The following AMMECR1 variants were observed in gnomAD, a reference collection of about 807,000 sequenced individuals.
The protein encoded by AMMECR1 is AMMECR nuclear protein 1.
A neutral mutation model predicts 22.5 loss-of-function variants in AMMECR1; 3 were observed. The ratio of observed to expected loss-of-function variants is 0.13; its 90% CI spans 0.06 to 0.35. The LOEUF is 0.35. Among genes scored for constraint, AMMECR1 ranks in the 10% least tolerant of loss-of-function variants. The probability of loss-of-function intolerance (pLI) is 1.00; values close to 1 mark genes in which losing one functional copy is unlikely to be tolerated. For synonymous variants in AMMECR1, 130 were observed against 116.7 expected, an observed-to-expected ratio of 1.11 and a Z score of -0.74; for missense variants, 235 against 278.7, an observed-to-expected ratio of 0.84 and a Z score of 1.12.
chrX:110,317,581 G>A lies in AMMECR1; in HGVS notation c.473+18C>T, dbSNP rs768082029. ...TCCCGAGCGCAAGGGAGAGGGCGGC[G>A]GAGGGCACGGTACTCACTAGGGCTC... On this transcript the variant is annotated intron_variant, in intron 1 of 5. Coordinates refer to ENST00000262844, the MANE Select transcript of AMMECR1 (RefSeq NM_015365.3). The A allele has an allele frequency of 1.7e-6, 2 of 1,150,178 alleles. No homozygotes were observed. Among genetic ancestry groups the A allele is most frequent in the Middle Eastern group, 2.5e-4 (1 of 4,049 alleles). 94.8% of individuals were successfully genotyped at this position (1,150,178 alleles called of 1,213,427 possible). A position where few individuals can be genotyped will look rare whatever the true frequency, so the allele number is the denominator to read the frequency against.
At chrX:110,330,515 T>A (rs2068116505) in intron 2 of AMMECR1, among the ~76,000 whole-genome samples, 1 of 112,221 alleles carries the variant, frequency 8.9e-6, no homozygotes, top group Non-Finnish European at 1.9e-5. Context: ...CCATAGCAAT[T>A]TGATAAATTA....
intron 2 of AMMECR1, among the ~76,000 whole-genome samples, chrX:110,258,798 A>G (rs1246755407): frequency 9.0e-6 from 1 of 111,604 alleles, no homozygotes; most frequent in Non-Finnish European, 1.9e-5. Context: ...AGAAAAATCA[A>G]TCTGGGTGAT....
intron 2 of AMMECR1, among the ~76,000 whole-genome samples, chrX:110,373,033 T>C (rs1212771422): frequency 2.7e-5 from 3 of 112,171 alleles, no homozygotes; most frequent in Non-Finnish European, 5.6e-5. Flanking sequence ...TGCCAAGCAT[T>C]GTTCTACATG....
intron 2 of AMMECR1, among the ~76,000 whole-genome samples, chrX:110,367,973 A>AATTATT (rs201193443): frequency 0.14 from 12,043 of 85,136 alleles, 815 homozygotes; most frequent in Middle Eastern, 0.22. Flanking sequence ...AGTGCTGGCT[A>AATTATT]ATTATTATTA....
chrX:110,344,497 A>T (rs865829225), intron 2 of AMMECR1, among the ~76,000 whole-genome samples: 56 of 111,735 alleles, frequency 5.0e-4, no homozygotes, highest in African/African-American at 1.6e-3. Context: ...GACAAATGGG[A>T]TCTAATTAAA....
rs777072844 is a variant in AMMECR1 at position 110,334,613 on chromosome X, A to G, written c.-147-16764T>C. On this transcript the variant is annotated intron_variant, in intron 2 of 7. Transcript: ENST00000372057. ...GAGATATGTTTTTAATATTTTCTCT[A>G]CAAATGCACTAGTTGTTTTCCTTAG... is the stretch of plus-strand genomic sequence containing the variant. 4.5e-5 allele frequency among the ~76,000 whole-genome samples: 5 copies of G among 112,039 alleles called. No homozygotes were observed. In the South Asian group the frequency reaches 1.8e-3, roughly 41 times the overall value.
chrX:110,205,173 G>T (rs959042529), intron 3 of AMMECR1, among the ~76,000 whole-genome samples: 1 of 111,474 alleles, frequency 9.0e-6, no homozygotes, highest in Admixed American at 9.5e-5. Flanking sequence ...TTGAGCAACA[G>T]CATTTTCTTT....
rs1238646643 is a variant in AMMECR1 at position 110,397,812 on chromosome X, CA to C, written c.-148+28845del. Among the ~76,000 whole-genome samples the C allele has an allele frequency of 6.3e-5, 7 of 111,762 alleles. No homozygotes were observed. In the South Asian group the frequency reaches 1.1e-3, roughly 18 times the overall value. ...AAAGGAAGTAATGGACTTGGGGGGG[CA>C]AACAGGCCTGGGGACAGCACAGATC... On this transcript the variant is annotated intron_variant, in intron 2 of 7. Transcript: ENST00000372057.
chrX:110,302,963 T>C (rs1602876973), intron 1 of AMMECR1, among the ~76,000 whole-genome samples: 1 of 109,181 alleles, frequency 9.2e-6, no homozygotes, highest in Non-Finnish European at 1.9e-5. Context: ...AAATTTGGGG[T>C]GGGAGAGATT....
chrX:110,410,802 C>T (rs2068636964), intron 2 of AMMECR1, among the ~76,000 whole-genome samples: 1 of 111,875 alleles, frequency 8.9e-6, no homozygotes, highest in Non-Finnish European at 1.9e-5. Context: ...TAGCTGGGGC[C>T]TTGGGACAAG....
chrX:110,350,146 G>A, intron 2 of AMMECR1, among the ~76,000 whole-genome samples: 1 of 111,954 alleles, frequency 8.9e-6, no homozygotes, highest in Non-Finnish European at 1.9e-5. Context: ...TCCAGAATAA[G>A]GTATAGGTCT....
chrX:110,272,334 C>T (rs1289035247), intron 1 of AMMECR1, among the ~76,000 whole-genome samples: 1 of 111,612 alleles, frequency 9.0e-6, no homozygotes, highest in Non-Finnish European at 1.9e-5. Context: ...AACAGAAGAA[C>T]TAGGTCCAGA....
In AMMECR1 at chrX:110,300,525, G is replaced by T. The variant is rs144338751; in HGVS notation, c.473+17074C>A. 7.4e-3 allele frequency among the ~76,000 whole-genome samples: 826 copies of T among 111,954 alleles called. 8 individuals carry two copies. Among genetic ancestry groups the T allele is most frequent in the African/African-American group, 0.026 (801 of 30,823 alleles). ...TTGTCATTGGTCCACAATCACTGAA[G>T]CAACAGATCATTAGATTAGACTTCT... On this transcript the variant is annotated intron_variant, in intron 1 of 5. Transcript: ENST00000262844.
intron 2 of AMMECR1, among the ~76,000 whole-genome samples, chrX:110,381,489 T>C (rs1480642170): frequency 8.9e-6 from 1 of 111,953 alleles, no homozygotes; most frequent in African/African-American, 3.3e-5. Context: ...TGTAAGTTAG[T>C]TCAGCCCCTG....
rs1602770979 is a variant in AMMECR1, at chrX:110,198,412, T to G, written c.*108A>C. The G allele has an allele frequency of 2.5e-6, 1 of 395,651 alleles. No individual in the cohort carries two copies. The highest frequency in any genetic ancestry group is 2.6e-5 in the African/African-American group (1 of 38,698). 32.6% of individuals were successfully genotyped at this position (395,651 alleles called of 1,213,427 possible). ...GAAGCTTCACCATGGCAACGGAAAC[T>G]ATCATCATAAAATGGTACAGTAAAA... On this transcript the variant is annotated 3_prime_UTR_variant, in exon 6 of 6. Coordinates refer to ENST00000262844, the MANE Select transcript of AMMECR1 (RefSeq NM_015365.3).
chrX:110,352,072 GATA>G (rs2068213335), intron 2 of AMMECR1, among the ~76,000 whole-genome samples: 1 of 111,901 alleles, frequency 8.9e-6, no homozygotes, highest in Non-Finnish European at 1.9e-5. Flanking sequence ...TTTAAAAAGA[GATA>G]ATAACAAATA....
intron 2 of AMMECR1, among the ~76,000 whole-genome samples, chrX:110,225,948 C>T (rs755115112): frequency 5.0e-4 from 56 of 111,770 alleles, no homozygotes; most frequent in Non-Finnish European, 8.1e-4. Context: ...AGGGTCAATC[C>T]ACATGTTAAA....
At chrX:110,428,861 A>G (rs1317454256) in intron 1 of AMMECR1, among the ~76,000 whole-genome samples, 1 of 112,436 alleles carries the variant, frequency 8.9e-6, no homozygotes, top group Non-Finnish European at 1.9e-5. Context: ...ATTTCAAGAT[A>G]GCAGCAAAGG....
At chrX:110,247,296 C>T (rs1275289056) in intron 2 of AMMECR1, among the ~76,000 whole-genome samples, 1 of 112,353 alleles carries the variant, frequency 8.9e-6, no homozygotes, top group Non-Finnish European at 1.9e-5. Flanking sequence ...TAGCTCACTC[C>T]TGTAATCCCA....
Sources: gnomAD v4.1 joint callset for allele counts (sites outside exome capture counted in the v4.1 genomes callset) on GRCh38, gnomAD v4.1.1 for gene constraint, MANE v1.5 for transcripts, NCBI Gene and HGNC (gene_info 2026-07-23, HGNC 2026-07-21) for gene names.